Variants in ITIH2 observed in about 807,000 individuals in gnomAD.
ITIH2 encodes the protein inter-alpha-trypsin inhibitor heavy chain 2.
In ITIH2, 103 loss-of-function variants were observed where a neutral mutation model predicts 104.4. That is an observed-to-expected ratio of 0.99 (90% CI 0.84 to 1.16). The LOEUF is 1.16. ITIH2 is among the 50% of genes most tolerant of loss of function. The pLI is 0.00. For synonymous variants in ITIH2, 436 were observed against 435.4 expected, an observed-to-expected ratio of 1.00 and a Z score of -0.02; for missense variants, 1,108 against 1,162.4, an observed-to-expected ratio of 0.95 and a Z score of 0.68.
chr10:7,730,042 T>C lies in ITIH2; in HGVS notation c.1370T>C (p.Val457Ala). Residue 457 changes from valine (V) to alanine (A), a missense_variant, in exon 12 of 21, where the codon GTG becomes GCG. Coordinates refer to ENST00000358415, the MANE Select transcript of ITIH2 (RefSeq NM_002216.3). Reference sequence around the variant, plus strand: ...TTCAGTTTGGGCATGGGATTTGATGTGGACTATGATTTTTTGAAGAGACTG... The same window carrying C: ...TTCAGTTTGGGCATGGGATTTGATGCGGACTATGATTTTTTGAAGAGACTG... The part of the protein sequence containing the change: ...SLFSLGMGFD[V>A]DYDFLKRLSN... 1 of 1,612,728 alleles carries C rather than the reference T, an allele frequency of 6.2e-7. No homozygotes were observed. The highest frequency in any genetic ancestry group is 8.5e-7 in the Non-Finnish European group (1 of 1,178,846).
At chr10:7,731,010 C>T (rs1834996784) in intron 12 of ITIH2, among the ~76,000 whole-genome samples, 1 of 152,194 alleles carries the variant, frequency 6.6e-6, no homozygotes, top group African/African-American at 2.4e-5. Context: ...CCTCCGCCTC[C>T]TGGGTTCAGG....
intron 20 of ITIH2, among the ~76,000 whole-genome samples, chr10:7,746,994 C>T (rs992635150): frequency 5.3e-5 from 8 of 152,166 alleles, no homozygotes; most frequent in African/African-American, 9.7e-5. Flanking sequence ...GTTGGATAAC[C>T]AGACACGTTG....
rs535924469 is a variant in ITIH2, at chr10:7,725,722, C to T, written c.985-1228C>T. On this transcript the variant is annotated intron_variant, in intron 9 of 20. Coordinates refer to ENST00000358415, the MANE Select transcript of ITIH2 (RefSeq NM_002216.3). Reference sequence around the variant, plus strand: ...GTCTGAGATTTCTATTAAGTACCCACGTTGGCCATGGAAGCGTGGTGTTCA... The same window carrying T: ...GTCTGAGATTTCTATTAAGTACCCATGTTGGCCATGGAAGCGTGGTGTTCA... 7.2e-5 allele frequency among the ~76,000 whole-genome samples: 11 copies of T among 152,288 alleles called. No homozygotes were observed. The South Asian group carries it at 1.7e-3, about 23-fold the overall frequency.
chr10:7,741,010 G>A (rs1835118623), intron 16 of ITIH2, among the ~76,000 whole-genome samples: 1 of 152,164 alleles, frequency 6.6e-6, no homozygotes, highest in African/African-American at 2.4e-5. Context: ...TGGCAGCACA[G>A]ATTCACTGTT....
At chr10:7,734,203 T>G (rs1411687539) in intron 14 of ITIH2, among the ~76,000 whole-genome samples, 1 of 152,134 alleles carries the variant, frequency 6.6e-6, no homozygotes, top group Non-Finnish European at 1.5e-5. Context: ...ACGTTAACTG[T>G]GGACTCTGCG....
chr10:7,721,159 G>C (rs1446464036), intron 7 of ITIH2, among the ~76,000 whole-genome samples, 196 bp downstream of exon 7: 1 of 152,146 alleles, frequency 6.6e-6, no homozygotes, highest in African/African-American at 2.4e-5. Context: ...CTTCCATTTT[G>C]ACCAGAGATT....
chr10:7,707,261 T>A (rs1834756190), intron 3 of ITIH2, 28 bp downstream of exon 3: 2 of 1,546,992 alleles, frequency 1.3e-6, no homozygotes, highest in Non-Finnish European at 1.8e-6. Flanking sequence ...TGTTACAGAT[T>A]GAATGATTTT....
intron 8 of ITIH2, 124 bp from the exon 9 acceptor site, chr10:7,723,327 T>C: frequency 1.4e-6 from 1 of 712,050 alleles, no homozygotes; most frequent in Non-Finnish European, 2.6e-6. Context: ...TGGAGGCAAA[T>C]GCACATCAAG....
chr10:7,735,197 TC>T, intron 15 of ITIH2, 106 bp downstream of exon 15: 1 of 1,069,582 alleles, frequency 9.3e-7, no homozygotes, highest in Non-Finnish European at 1.3e-6. Flanking sequence ...CACCTCTTGC[TC>T]CCAGCCCTGG....
chr10:7,708,183 G>C (rs913381673), intron 3 of ITIH2, among the ~76,000 whole-genome samples: 1 of 152,190 alleles, frequency 6.6e-6, no homozygotes, highest in African/African-American at 2.4e-5. Flanking sequence ...AATGAGACCT[G>C]GTATTGAGAT....
chr10:7,728,139 C>T (rs948313000), intron 11 of ITIH2, among the ~76,000 whole-genome samples: 1 of 152,094 alleles, frequency 6.6e-6, no homozygotes, highest in African/African-American at 2.4e-5. Flanking sequence ...ATTTCCTCAA[C>T]TTGAGGTATG....
At chr10:7,727,563 C>T in intron 10 of ITIH2, 140 bp from the exon 11 acceptor site, 1 of 1,008,054 alleles carries the variant, frequency 9.9e-7, no homozygotes, top group Non-Finnish European at 1.5e-6. Flanking sequence ...GTTTGTGTCA[C>T]TCAGAAAGCA....
At chr10:7,723,302 G>A (rs979876330) in intron 8 of ITIH2, 149 bp from the exon 9 acceptor site, 4 of 678,982 alleles carry the variant, frequency 5.9e-6, no homozygotes, top group African/African-American at 5.4e-5. Context: ...AGGTGGGGGA[G>A]CAGGCAGGAA....
rs1835012538 is a variant in ITIH2, at chr10:7,732,411, A to G, written c.1721A>G (p.His574Arg). The G allele has an allele frequency of 6.2e-7, 1 of 1,614,152 alleles. No individual in the cohort carries two copies. Among genetic ancestry groups the G allele is most frequent in the African/African-American group, 1.3e-5 (1 of 75,054 alleles). The change falls in exon 14 of 21, where the codon CAT (histidine) becomes CGT (arginine). Residue 574 changes from histidine (H) to arginine (R), a missense_variant. His to Arg is a conservative substitution (Grantham distance 29). Coordinates refer to ENST00000358415, the MANE Select transcript of ITIH2 (RefSeq NM_002216.3). ...CAGGATTTTCTATCGAAAGACAAGC[A>G]TGCAGATCCCGATTTCACCAGGAAA... ...DLQDFLSKDK[H>R]ADPDFTRKLW...
intron 3 of ITIH2, among the ~76,000 whole-genome samples, chr10:7,708,496 G>A (rs190218466): frequency 6.6e-6 from 1 of 152,282 alleles, no homozygotes; most frequent in Non-Finnish European, 1.5e-5. Flanking sequence ...AGGAGAAAAG[G>A]ACTGCAGATG....
rs1355208276 is a variant in ITIH2, at chr10:7,746,573, G to A, written c.2582-20G>A. 6.8e-7 allele frequency: 1 copy of A among 1,479,530 alleles called. No individual in the cohort carries two copies. Among genetic ancestry groups the A allele is most frequent in the Non-Finnish European group, 9.4e-7 (1 of 1,058,372 alleles). The allele number at this position is 1,479,530 out of a possible 1,614,324, so 91.7% of individuals were successfully genotyped here. A position where few individuals can be genotyped will look rare whatever the true frequency, so the allele number is the denominator to read the frequency against. On this transcript the variant is annotated intron_variant, in intron 19 of 20. Coordinates refer to ENST00000358415, the MANE Select transcript of ITIH2 (RefSeq NM_002216.3). ...TAACTATGATTACATGTCAATCAAT[G>A]TCTGATTCTGTTTTGCTAGGCCAGT...
intron 12 of ITIH2, among the ~76,000 whole-genome samples, chr10:7,730,675 TAA>T (rs1470527363): frequency 1.3e-5 from 2 of 152,142 alleles, no homozygotes; most frequent in Non-Finnish European, 2.9e-5. Flanking sequence ...TTTTTTTAAT[TAA>T]AATACATATA....
chr10:7,746,243 CT>C (rs1451184845), intron 19 of ITIH2, among the ~76,000 whole-genome samples: 1 of 151,176 alleles, frequency 6.6e-6, no homozygotes, highest in Non-Finnish European at 1.5e-5. Flanking sequence ...GGCGTAGTGG[CT>C]CACGCCTGTG....
intron 6 of ITIH2, among the ~76,000 whole-genome samples, chr10:7,719,685 T>TA (rs1291626119): frequency 1.7e-5 from 2 of 120,372 alleles, no homozygotes; most frequent in African/African-American, 3.3e-5. Context: ...AACTTGAGCC[T>TA]AAAAAATCGA....
Sources: gnomAD v4.1 joint callset for allele counts (sites outside exome capture counted in the v4.1 genomes callset) on GRCh38, gnomAD v4.1.1 for gene constraint, MANE v1.5 for transcripts, NCBI Gene and HGNC (gene_info 2026-07-23, HGNC 2026-07-21) for gene names.